WFDC1: variants seen among roughly 807,000 people sequenced by gnomAD.
The protein encoded by WFDC1 is WAP four-disulfide core domain 1, also known as WAP four-disulfide core domain protein 1.
A neutral mutation model predicts 32.9 loss-of-function variants in WFDC1; 39 were observed. That is an observed-to-expected ratio of 1.19 (90% CI 0.92 to 1.55). The LOEUF (loss-of-function observed/expected upper bound fraction) is 1.55. Ranked by LOEUF, WFDC1 falls within the 40% of genes most tolerant of loss-of-function variation. The probability of loss-of-function intolerance (pLI) is 0.00; values close to 1 mark genes in which losing one functional copy is unlikely to be tolerated. For synonymous variants in WFDC1, 184 were observed against 137.4 expected (o/e 1.34, Z -2.37); for missense variants, 386 against 309.5 (o/e 1.25, Z -1.85).
chr16:84,315,367 T>C (rs1164546525), intron 2 of WFDC1, among the ~76,000 whole-genome samples: 1 of 152,222 alleles, frequency 6.6e-6, no homozygotes, highest in Non-Finnish European at 1.5e-5. Context: ...CATTGACTGT[T>C]CTCTCCCCAC....
At chr16:84,306,042 A>G (rs1907235174) in intron 1 of WFDC1, among the ~76,000 whole-genome samples, 1 of 145,632 alleles carries the variant, frequency 6.9e-6, no homozygotes, top group African/African-American at 2.7e-5. Flanking sequence ...AATAATAATA[A>G]TAATAAAAGG....
At chr16:84,320,629 G>C (rs1404834487) in intron 4 of WFDC1, among the ~76,000 whole-genome samples, 1 of 152,184 alleles carries the variant, frequency 6.6e-6, no homozygotes, top group Non-Finnish European at 1.5e-5. Flanking sequence ...GTGCTTTTTG[G>C]CATGGAGTTT....
intron 1 of WFDC1, among the ~76,000 whole-genome samples, chr16:84,308,165 C>T (rs1242893910): frequency 6.6e-6 from 1 of 152,178 alleles, no homozygotes; most frequent in East Asian, 1.9e-4. Flanking sequence ...CCACCCCCCG[C>T]TCCTGCTTGG....
intron 2 of WFDC1, among the ~76,000 whole-genome samples, chr16:84,314,781 C>T (rs746702528): frequency 1.3e-5 from 2 of 152,210 alleles, no homozygotes; most frequent in Non-Finnish European, 2.9e-5. Flanking sequence ...TAAAGGCACT[C>T]CCCTCTGGGT....
chr16:84,321,654 A>C, intron 4 of WFDC1, among the ~76,000 whole-genome samples: 1 of 152,216 alleles, frequency 6.6e-6, no homozygotes, highest in East Asian at 1.9e-4. Flanking sequence ...GACAGAGCTA[A>C]GCAAAGAGGG....
intron 1 of WFDC1, among the ~76,000 whole-genome samples, chr16:84,305,671 G>A (rs1294048616): frequency 2.0e-5 from 3 of 152,002 alleles, no homozygotes; most frequent in Admixed American, 6.6e-5. Flanking sequence ...GAAGAATGAA[G>A]TTACTATGGG....
chr16:84,311,093 A>G (rs938804097), intron 1 of WFDC1, among the ~76,000 whole-genome samples: 13 of 152,160 alleles, frequency 8.5e-5, no homozygotes, highest in African/African-American at 3.1e-4. Flanking sequence ...CCATTTTCAT[A>G]GAAGCAGAAG....
chr16:84,298,494 G>A (rs1315761624), intron 1 of WFDC1, among the ~76,000 whole-genome samples: 2 of 152,126 alleles, frequency 1.3e-5, no homozygotes, highest in African/African-American at 4.8e-5. Context: ...GCATCCGTGT[G>A]GTATGACCAG....
intron 1 of WFDC1, among the ~76,000 whole-genome samples, chr16:84,304,491 G>A (rs1237229723): frequency 6.6e-6 from 1 of 152,178 alleles, no homozygotes; most frequent in Non-Finnish European, 1.5e-5. Flanking sequence ...GCCTCCCAAA[G>A]TGCTGGGATT....
chr16:84,317,563 G>A (rs1237576196), intron 2 of WFDC1: 2 of 152,076 alleles, frequency 1.3e-5, no homozygotes, highest in African/African-American at 4.8e-5. Context: ...CTGTGTGGGT[G>A]ACTCTTTCTG....
intron 1 of WFDC1, among the ~76,000 whole-genome samples, chr16:84,297,617 CA>C (rs150683526): frequency 0.38 from 26,085 of 68,720 alleles, 3,139 homozygotes; most frequent in Admixed American, 0.44. Context: ...AACTCTGTCT[CA>C]AAAAAAAAAA....
chr16:84,306,507 T>C (rs1276388952), intron 1 of WFDC1, among the ~76,000 whole-genome samples: 1 of 152,224 alleles, frequency 6.6e-6, no homozygotes, highest in East Asian at 1.9e-4. Flanking sequence ...GAAAGCATCC[T>C]TCCTCATCTC....
intron 1 of WFDC1, among the ~76,000 whole-genome samples, chr16:84,311,656 G>A (rs896812283): frequency 2.2e-5 from 3 of 136,044 alleles, no homozygotes; most frequent in African/African-American, 5.4e-5. Context: ...AGCCTCCCAA[G>A]TACCTGGGAC....
At position 84,295,058 on chromosome 16, in the gene WFDC1, C is replaced by T. The variant is rs1285168669; in HGVS notation, c.87C>T (p.Gly29=). 2 of 1,614,118 alleles carry T rather than the reference C, an allele frequency of 1.2e-6. No individual in the cohort carries two copies. The highest frequency in any genetic ancestry group is 2.2e-5 in the East Asian group (1 of 44,892). The stretch of plus-strand genomic sequence containing the variant: ...TCTTGCTACTTCTCCTCCACGCCGG[C>T]TCTGCCAAGAATATCTGGAAACGGG... The part of the protein sequence containing the change: ...LCLLLLLLHA[G]SAKNIWKRAL... The change falls in exon 1 of 7, where the codon GGC becomes GGT. Residue 29 remains glycine, a synonymous_variant. Coordinates refer to ENST00000219454, the MANE Select transcript of WFDC1 (RefSeq NM_021197.4).
chr16:84,316,128 G>T (rs917481404), intron 2 of WFDC1: 1 of 152,228 alleles, frequency 6.6e-6, no homozygotes, highest in Non-Finnish European at 1.5e-5. Flanking sequence ...CTGATGTGGT[G>T]GTGGAAAGGA....
At chr16:84,312,122 G>A (rs951123905) in intron 1 of WFDC1, among the ~76,000 whole-genome samples, 3 of 152,106 alleles carry the variant, frequency 2.0e-5, no homozygotes, top group Non-Finnish European at 4.4e-5. Flanking sequence ...CTGAGATCGC[G>A]CCACTGCATT....
chr16:84,321,714 C>A (rs1385023202), intron 4 of WFDC1, among the ~76,000 whole-genome samples: 2 of 152,182 alleles, frequency 1.3e-5, no homozygotes, highest in East Asian at 3.8e-4. Context: ...TTAACATGCA[C>A]CTTTGGAGTG....
chr16:84,294,917 A>T lies in WFDC1; in HGVS notation c.-55A>T. On this transcript the variant is annotated 5_prime_UTR_variant, in exon 1 of 7. Coordinates refer to ENST00000219454, the MANE Select transcript of WFDC1 (RefSeq NM_021197.4). ...CCTGTCCCCACTCACAGGCCCACGCAGCGAGGGGGGCCCCTCTTCTGTGTG... is the reference window on the plus strand; with the variant it reads ...CCTGTCCCCACTCACAGGCCCACGCTGCGAGGGGGGCCCCTCTTCTGTGTG... The T allele has an allele frequency of 6.3e-7, 1 of 1,578,870 alleles. No individual in the cohort carries two copies. The highest frequency in any genetic ancestry group is 1.3e-5 in the African/African-American group (1 of 74,328).
rs199522401 is a variant in WFDC1 at position 84,318,396 on chromosome 16, G to A, written c.421+41G>A. On this transcript the variant is annotated intron_variant, in intron 3 of 6. Coordinates refer to ENST00000219454, the MANE Select transcript of WFDC1 (RefSeq NM_021197.4). ...AGCCCAGACCCTACATCCAAGCCTC[G>A]ATCCCTCCTTCTCAGCTGCTTCCAG... 266 of 1,594,740 alleles carry A rather than the reference G, an allele frequency of 1.7e-4. No individual in the cohort carries two copies. The African/African-American group carries it at 2.7e-3, about 16-fold the overall frequency.
Sources: gnomAD v4.1 joint callset for allele counts (sites outside exome capture counted in the v4.1 genomes callset) on GRCh38, gnomAD v4.1.1 for gene constraint, MANE v1.5 for transcripts, NCBI Gene and HGNC (gene_info 2026-07-23, HGNC 2026-07-21) for gene names.